Variants in ADAM7 observed in about 807,000 individuals in gnomAD.
The protein encoded by ADAM7 is disintegrin and metalloproteinase domain-containing protein 7.
A neutral mutation model predicts 102.9 loss-of-function variants in ADAM7; 97 were observed. The observed-to-expected ratio is 0.94, with a 90% CI of 0.80 to 1.12. The LOEUF is 1.12. Among genes scored for constraint, ADAM7 ranks in the 50% most tolerant of loss-of-function variants. The probability of loss-of-function intolerance (pLI) is 0.00; values close to 1 mark genes in which losing one functional copy is unlikely to be tolerated. For synonymous variants in ADAM7, 334 were observed against 304.4 expected, an observed-to-expected ratio of 1.10 and a Z score of -1.01; for missense variants, 991 against 908.7, an observed-to-expected ratio of 1.09 and a Z score of -1.16.
In ADAM7 at chr8:24,469,433, G is replaced by A. The variant is rs144327718; in HGVS notation, c.633+613G>A. Among the ~76,000 whole-genome samples the A allele has an allele frequency of 2.3e-3, 343 of 152,278 alleles. 3 individuals are homozygous for A. Among genetic ancestry groups the A allele is most frequent in the Non-Finnish European group, 4.0e-3 (270 of 68,014 alleles). Reference sequence around the variant, plus strand: ...ATGGGAAAACAAATCTCCTGTCTGTGTTATGCACAGATGTGGGACATGATA... The same window carrying A: ...ATGGGAAAACAAATCTCCTGTCTGTATTATGCACAGATGTGGGACATGATA... On this transcript the variant is annotated intron_variant, in intron 7 of 21. Coordinates refer to ENST00000175238, the MANE Select transcript of ADAM7 (RefSeq NM_003817.4).
chr8:24,504,587 T>C (rs1056024787), intron 20 of ADAM7, among the ~76,000 whole-genome samples: 1 of 152,178 alleles, frequency 6.6e-6, no homozygotes, highest in Non-Finnish European at 1.5e-5. Context: ...TGACTCTTGC[T>C]AGATGCAAGT....
chr8:24,498,031 A>G (rs2129394886), intron 16 of ADAM7, among the ~76,000 whole-genome samples: 1 of 152,176 alleles, frequency 6.6e-6, no homozygotes, highest in South Asian at 2.1e-4. Context: ...ATTGTAATAT[A>G]TAGACTGCAC....
intron 20 of ADAM7, chr8:24,505,992 G>A: frequency 1.1e-6 from 1 of 903,434 alleles, no homozygotes; most frequent in Admixed American, 2.1e-5. Context: ...AGACTCATAT[G>A]TTGTAGGATA....
chr8:24,481,253 G>A (rs1032468740), intron 8 of ADAM7, among the ~76,000 whole-genome samples: 3 of 152,134 alleles, frequency 2.0e-5, no homozygotes, highest in Admixed American at 1.3e-4. Context: ...ACATGGAATT[G>A]AGTATATTCA....
At chr8:24,450,109 C>T (rs1280283406) in intron 3 of ADAM7, among the ~76,000 whole-genome samples, 5 of 152,102 alleles carry the variant, frequency 3.3e-5, no homozygotes, top group Admixed American at 3.3e-4. Flanking sequence ...GTTCTTTTGG[C>T]TTAGGATTGA....
intron 3 of ADAM7, among the ~76,000 whole-genome samples, chr8:24,452,804 A>G (rs1818851924): frequency 6.6e-6 from 1 of 151,344 alleles, no homozygotes; most frequent in African/African-American, 2.4e-5. Flanking sequence ...GTTCCTTTCC[A>G]TGTTTCGTGC....
intron 8 of ADAM7, 125 bp from the exon 9 acceptor site, chr8:24,482,017 C>G (rs908290037): frequency 1.5e-5 from 10 of 663,596 alleles, no homozygotes; most frequent in Non-Finnish European, 2.4e-5. Flanking sequence ...GAGGCTTGCA[C>G]TGTTTACTAA....
At chr8:24,463,403 T>C (rs1819316798) in intron 3 of ADAM7, among the ~76,000 whole-genome samples, 2 of 151,996 alleles carry the variant, frequency 1.3e-5, no homozygotes, top group South Asian at 2.1e-4. Flanking sequence ...GGGAGAGAGA[T>C]TGGGCTCAAT....
intron 10 of ADAM7, 115 bp from the exon 11 acceptor site, chr8:24,487,072 T>C (rs1820167651): frequency 9.1e-7 from 1 of 1,103,928 alleles, no homozygotes; most frequent in Admixed American, 2.7e-5. Context: ...CCTTTTTAAA[T>C]AGATACCAGT....
chr8:24,503,211 G>C (rs1820822870), intron 20 of ADAM7, among the ~76,000 whole-genome samples: 1 of 151,984 alleles, frequency 6.6e-6, no homozygotes. Flanking sequence ...CAGTAAACTA[G>C]GAATGTAAGC....
At chr8:24,450,178 T>C (rs954961337) in intron 3 of ADAM7, among the ~76,000 whole-genome samples, 21 of 152,184 alleles carry the variant, frequency 1.4e-4, no homozygotes, top group African/African-American at 4.8e-4. Flanking sequence ...TTTTTCCAAT[T>C]CTGTGAAGAA....
At chr8:24,483,182 G>T (rs1307289956) in intron 9 of ADAM7, among the ~76,000 whole-genome samples, 1 of 152,108 alleles carries the variant, frequency 6.6e-6, no homozygotes, top group Non-Finnish European at 1.5e-5. Flanking sequence ...TCTTTAAAAA[G>T]GGGACCATTT....
intron 7 of ADAM7, among the ~76,000 whole-genome samples, chr8:24,472,077 G>T (rs1253113217): frequency 7.6e-6 from 1 of 132,342 alleles, no homozygotes; most frequent in Non-Finnish European, 1.6e-5. Context: ...GCACCAAAAG[G>T]ATACAAAATA....
intron 7 of ADAM7, 111 bp downstream of exon 7, chr8:24,468,931 AG>A: frequency 1.9e-6 from 2 of 1,055,694 alleles, no homozygotes; most frequent in South Asian, 3.5e-5. Context: ...CTAGGCTCAA[AG>A]TCCTATTTTT....
At chr8:24,450,439 T>G (rs2129374894) in intron 3 of ADAM7, among the ~76,000 whole-genome samples, 1 of 152,194 alleles carries the variant, frequency 6.6e-6, no homozygotes, top group African/African-American at 2.4e-5. Context: ...ACTCATGATT[T>G]GGCTCTCTGT....
intron 3 of ADAM7, among the ~76,000 whole-genome samples, chr8:24,448,123 T>C (rs1329415649): frequency 1.3e-5 from 2 of 152,162 alleles, no homozygotes; most frequent in African/African-American, 2.4e-5. Context: ...CAAAGATTTA[T>C]TGAGAGATTT....
At position 24,507,530 on chromosome 8, in the gene ADAM7, C is replaced by G; in HGVS notation, c.2259C>G (p.Ala753=). 1 of 1,611,312 alleles carries G rather than the reference C, an allele frequency of 6.2e-7. No homozygotes were observed. Among genetic ancestry groups the G allele is most frequent in the Non-Finnish European group, 8.5e-7 (1 of 1,177,584 alleles). The part of the protein sequence containing the change: ...SRGIADPNQS[A]K ...GAATCGCAGATCCCAATCAAAGTGC[C>G]AAGTGGTAGGTTACCCTGACAGATA... Residue 753 remains alanine, a synonymous_variant, in exon 21 of 22, where the codon GCC becomes GCG. Transcript: ENST00000175238.
At chr8:24,449,476 C>T (rs527575338) in intron 3 of ADAM7, among the ~76,000 whole-genome samples, 1 of 152,280 alleles carries the variant, frequency 6.6e-6, no homozygotes, top group African/African-American at 2.4e-5. Context: ...TGTTCATGGC[C>T]TTAGCCCACT....
chr8:24,442,487 G>GGAGTA lies in ADAM7; in HGVS notation c.71_75dup (p.Gly26Ter). 1.2e-6 allele frequency: 2 copies of GGAGTA among 1,613,434 alleles called. No individual in the cohort carries two copies. The highest frequency in any genetic ancestry group is 3.3e-5 in the Admixed American group (2 of 60,010). Reference sequence around the variant, plus strand: ...TTTCCTCGTAGAAAAGTTCATCCTTGGAGTAGAGGGTCAACAACTGGTTCG... The same window carrying GGAGTA: ...TTTCCTCGTAGAAAAGTTCATCCTTGGAGTAGAGTAGAGGGTCAACAACTGGTTCG... On this transcript the variant is annotated frameshift_variant, in exon 2 of 22. Transcript: ENST00000175238. LOFTEE classifies it high-confidence loss of function.
Sources: allele counts gnomAD v4.1 joint callset (sites outside exome capture counted in the v4.1 genomes callset), GRCh38; gene constraint gnomAD v4.1.1; transcripts MANE v1.5; gene names NCBI Gene and HGNC (gene_info 2026-07-23, HGNC 2026-07-21).